Variants in OLA1 observed in about 807,000 individuals in gnomAD.
OLA1 encodes obg-like ATPase 1.
A neutral mutation model predicts 48.4 loss-of-function variants in OLA1; 14 were observed. The ratio of observed to expected loss-of-function variants is 0.29; its 90% CI spans 0.19 to 0.45. OLA1 has a LOEUF of 0.45. OLA1 is among the 20% of genes least tolerant of loss of function. OLA1 has a pLI of 1.00. For synonymous variants in OLA1, 127 were observed against 150.4 expected (o/e 0.84, Z 1.14); for missense variants, 325 against 467.1 (o/e 0.70, Z 2.80).
chr2:174,117,503 T>A (rs1685811174), intron 7 of OLA1, among the ~76,000 whole-genome samples: 1 of 152,202 alleles, frequency 6.6e-6, no homozygotes, highest in Non-Finnish European at 1.5e-5. Flanking sequence ...AGGATTCGTT[T>A]TCTTTATAGA....
chr2:174,142,570 A>T (rs1013781132), intron 4 of OLA1, among the ~76,000 whole-genome samples: 2 of 152,230 alleles, frequency 1.3e-5, no homozygotes, highest in African/African-American at 2.4e-5. Flanking sequence ...TTTGTCATAT[A>T]TGAGTGACAA....
chr2:174,151,036 G>T (rs1686733731), intron 4 of OLA1, among the ~76,000 whole-genome samples: 3 of 152,168 alleles, frequency 2.0e-5, no homozygotes, highest in Admixed American at 2.0e-4. Flanking sequence ...TTGTGTTGAA[G>T]AGTAGAAGAT....
intron 3 of OLA1, among the ~76,000 whole-genome samples, chr2:174,224,663 G>A (rs1239249998): frequency 6.6e-6 from 1 of 152,174 alleles, no homozygotes; most frequent in Non-Finnish European, 1.5e-5. Flanking sequence ...TGGAGGGGGT[G>A]TAGGAGGCTG....
intron 4 of OLA1, among the ~76,000 whole-genome samples, chr2:174,181,019 T>A (rs1368664300): frequency 6.6e-6 from 1 of 152,186 alleles, no homozygotes; most frequent in Non-Finnish European, 1.5e-5. Flanking sequence ...ATACAAGGAA[T>A]GTACAAGGAG....
intron 4 of OLA1, among the ~76,000 whole-genome samples, chr2:174,222,674 T>A (rs1688534487): frequency 1.3e-5 from 2 of 152,212 alleles, no homozygotes; most frequent in African/African-American, 4.8e-5. Context: ...CTCTAACAAT[T>A]CTGCCTCCTT....
intron 4 of OLA1, among the ~76,000 whole-genome samples, chr2:174,163,714 ATATATATATATATATATAT>A (rs1687072128): frequency 1.8e-4 from 3 of 16,858 alleles, no homozygotes; most frequent in African/African-American, 9.6e-4. Flanking sequence ...ATAAATAAAT[ATATATATATATATATATAT>A]ATATATATAT....
intron 4 of OLA1, chr2:174,172,157 C>G (rs924357440): frequency 6.4e-5 from 14 of 218,822 alleles, no homozygotes; most frequent in Admixed American, 1.7e-4. Context: ...AGTGGAGGAG[C>G]TGGAGAGATG....
At chr2:174,185,447 T>C (rs1285745733) in intron 4 of OLA1, among the ~76,000 whole-genome samples, 1 of 152,206 alleles carries the variant, frequency 6.6e-6, no homozygotes, top group Non-Finnish European at 1.5e-5. Flanking sequence ...AGAAATCATC[T>C]AGAAATCTAT....
chr2:174,164,356 T>TCTGCATAGTGCAGAATGGATACCATA (rs1687110265), intron 4 of OLA1, among the ~76,000 whole-genome samples: 1 of 152,140 alleles, frequency 6.6e-6, no homozygotes, highest in Admixed American at 6.5e-5. Context: ...GCAATACCAT[T>TCTGCATAGTGCAGAATGGATACCATA]CTGCATAGTG....
intron 4 of OLA1, among the ~76,000 whole-genome samples, chr2:174,220,803 C>G (rs1008872769): frequency 3.9e-5 from 6 of 152,174 alleles, no homozygotes; most frequent in African/African-American, 1.2e-4. Flanking sequence ...TGGAGAGAAA[C>G]ATGATATTAA....
intron 4 of OLA1, among the ~76,000 whole-genome samples, chr2:174,181,582 A>G (rs1019179084): frequency 6.6e-6 from 1 of 152,188 alleles, no homozygotes; most frequent in Admixed American, 6.5e-5. Context: ...CTGGGCAGGG[A>G]CAACTCACTT....
At chr2:174,223,194 G>C (rs1419832457) in intron 3 of OLA1, 34 bp from the exon 4 acceptor site, 3 of 1,600,634 alleles carry the variant, frequency 1.9e-6, no homozygotes, top group African/African-American at 1.3e-5. Flanking sequence ...TTATAAAACA[G>C]TACTAAAAAC....
chr2:174,121,527 C>A (rs548658915), intron 7 of OLA1, among the ~76,000 whole-genome samples: 2 of 152,080 alleles, frequency 1.3e-5, no homozygotes, highest in South Asian at 2.1e-4. Flanking sequence ...ACCCTCCCCC[C>A]AAGACATACA....
At chr2:174,241,250 G>A (rs1688993732) in intron 2 of OLA1, among the ~76,000 whole-genome samples, 1 of 152,082 alleles carries the variant, frequency 6.6e-6, no homozygotes, top group South Asian at 2.1e-4. Context: ...GTCACATGAG[G>A]GATCCCAATG....
intron 7 of OLA1, among the ~76,000 whole-genome samples, chr2:174,121,549 C>T (rs1275435312): frequency 1.3e-5 from 2 of 152,052 alleles, no homozygotes; most frequent in Admixed American, 6.6e-5. Context: ...ACACCAACCC[C>T]AAGCCAGATC....
At chr2:174,234,250 C>T (rs1688798468) in intron 2 of OLA1, among the ~76,000 whole-genome samples, 1 of 152,118 alleles carries the variant, frequency 6.6e-6, no homozygotes, top group African/African-American at 2.4e-5. Flanking sequence ...TTTTCTCTAG[C>T]TTAGTTTATT....
chr2:174,242,932 C>T (rs1452252748), intron 2 of OLA1, among the ~76,000 whole-genome samples: 1 of 152,140 alleles, frequency 6.6e-6, no homozygotes, highest in Non-Finnish European at 1.5e-5. Context: ...ATTTAATTGC[C>T]CAGCACGGTG....
rs534105480 is a variant in OLA1, at chr2:174,108,748, A to G, written c.728+14432T>C. Among the ~76,000 whole-genome samples, 21 of 152,318 alleles carry G rather than the reference A, an allele frequency of 1.4e-4. No homozygotes were observed. In the East Asian group the frequency reaches 3.7e-3, roughly 27 times the overall value. ...CAGTGTCAGACTGTCTAGCCATCCA[A>G]GGGAATACAAAGAATGTCACTTATT... On this transcript the variant is annotated intron_variant, in intron 7 of 10. Transcript: ENST00000284719.
chr2:174,137,949 C>A (rs1212912817), intron 5 of OLA1, among the ~76,000 whole-genome samples: 1 of 152,170 alleles, frequency 6.6e-6, no homozygotes, highest in African/African-American at 2.4e-5. Flanking sequence ...ATCACTTAAG[C>A]CCAGGGGTTT....
Sources: gnomAD v4.1 joint callset for allele counts (sites outside exome capture counted in the v4.1 genomes callset) on GRCh38, gnomAD v4.1.1 for gene constraint, MANE v1.5 for transcripts, NCBI Gene and HGNC (gene_info 2026-07-23, HGNC 2026-07-21) for gene names.